Variants in PIK3C2G observed in about 807,000 individuals in gnomAD.
PIK3C2G encodes the protein phosphatidylinositol-4-phosphate 3-kinase catalytic subunit type 2 gamma.
Under a neutral mutation model 181.1 loss-of-function variants are expected in PIK3C2G, and 168 were observed. That is an observed-to-expected ratio of 0.93 (90% confidence interval 0.82 to 1.05). PIK3C2G has a LOEUF of 1.05. Among genes scored for constraint, PIK3C2G ranks in the 50% least tolerant of loss-of-function variants. PIK3C2G has a pLI of 0.00. For synonymous variants in PIK3C2G, 573 were observed against 592.2 expected (o/e 0.97, Z 0.47); for missense variants, 1,869 against 1,732.8 (o/e 1.08, Z -1.40).
chr12:18,565,444 A>G (rs981156607), intron 28 of PIK3C2G, among the ~76,000 whole-genome samples: 6 of 152,188 alleles, frequency 3.9e-5, no homozygotes, highest in Non-Finnish European at 7.3e-5. Context: ...TTATTTTGGT[A>G]CACTGATCAG....
chr12:18,576,266 T>A (rs1044954418), intron 29 of PIK3C2G, among the ~76,000 whole-genome samples: 5 of 152,176 alleles, frequency 3.3e-5, no homozygotes, highest in African/African-American at 1.2e-4. Flanking sequence ...TAGAGAATGA[T>A]CGTGGGAATC....
the PIK3C2G span, among the ~76,000 whole-genome samples, chr12:18,677,339 G>A: frequency 3.9e-5 from 6 of 152,104 alleles, no homozygotes; most frequent in Non-Finnish European, 5.9e-5. Flanking sequence ...AATCAGCACC[G>A]TGCAATCAAA....
intron 14 of PIK3C2G, among the ~76,000 whole-genome samples, chr12:18,386,815 A>T (rs928462705): frequency 6.6e-6 from 1 of 152,082 alleles, no homozygotes; most frequent in Non-Finnish European, 1.5e-5. Context: ...ATATGTTTTC[A>T]TCTTTCTTGA....
At chr12:18,671,648 T>TA in the PIK3C2G span, among the ~76,000 whole-genome samples, 58 of 151,516 alleles carry the variant, frequency 3.8e-4, no homozygotes, top group East Asian at 7.9e-3. Flanking sequence ...ATATTGGATA[T>TA]AAAAAAAAAT....
At chr12:18,427,377 G>A (rs1025701048) in intron 18 of PIK3C2G, among the ~76,000 whole-genome samples, 1 of 150,768 alleles carries the variant, frequency 6.6e-6, no homozygotes, top group African/African-American at 2.4e-5. Context: ...CCTGGTGGCG[G>A]GCGCCTGTAA....
intron 26 of PIK3C2G, among the ~76,000 whole-genome samples, chr12:18,559,821 T>TATATATATATATATAGAGAGAGAG (rs1945244509): frequency 5.4e-5 from 1 of 18,362 alleles, no homozygotes; most frequent in African/African-American, 2.0e-4. Flanking sequence ...TATATATATA[T>TATATATATATATATAGAGAGAGAG]AGAGAGAGAG....
intron 18 of PIK3C2G, among the ~76,000 whole-genome samples, chr12:18,431,960 T>C (rs556261622): frequency 3.3e-5 from 5 of 152,302 alleles, no homozygotes; most frequent in East Asian, 1.9e-4. Context: ...AAGAGGCAGA[T>C]AGTGGTAACA....
At chr12:18,314,133 G>T in intron 6 of PIK3C2G, 69 bp downstream of exon 6, 2 of 737,436 alleles carry the variant, frequency 2.7e-6, no homozygotes, top group South Asian at 3.5e-5. Context: ...TCTAATTTTT[G>T]AACTATTGCC....
chr12:18,337,056 T>C (rs1938602692), intron 8 of PIK3C2G, among the ~76,000 whole-genome samples: 1 of 152,140 alleles, frequency 6.6e-6, no homozygotes, highest in Non-Finnish European at 1.5e-5. Flanking sequence ...CATCTCTTCT[T>C]GAAATAAACT....
At chr12:18,277,798 G>A (rs891195771) in intron 1 of PIK3C2G, among the ~76,000 whole-genome samples, 21 of 152,096 alleles carry the variant, frequency 1.4e-4, no homozygotes, top group Non-Finnish European at 2.9e-4. Context: ...GCTGGCAGGG[G>A]CTGTCCTTTT....
chr12:18,584,160 T>G lies in PIK3C2G; in HGVS notation c.4012-10334T>G, dbSNP rs866201719. Among the ~76,000 whole-genome samples, 16 of 151,472 alleles carry G rather than the reference T, an allele frequency of 1.1e-4. No homozygotes were observed. In the South Asian group the frequency reaches 3.3e-3, roughly 32 times the overall value. On this transcript the variant is annotated intron_variant, in intron 29 of 32. Coordinates refer to ENST00000538779, the MANE Select transcript of PIK3C2G (RefSeq NM_001288772.2). ...CTCCTGCCCCAGCCTCCTGAGTAGC[T>G]GGGACTACAGGCACCCGCCACTGTG... is the stretch of plus-strand genomic sequence containing the variant.
intron 8 of PIK3C2G, among the ~76,000 whole-genome samples, chr12:18,337,129 C>T (rs923563237): frequency 6.6e-6 from 1 of 151,928 alleles, no homozygotes; most frequent in Non-Finnish European, 1.5e-5. Context: ...TTTGAAAAAC[C>T]ACAATTGTTA....
At chr12:18,563,770 T>C (rs1945470424) in intron 28 of PIK3C2G, among the ~76,000 whole-genome samples, 1 of 152,180 alleles carries the variant, frequency 6.6e-6, no homozygotes, top group Non-Finnish European at 1.5e-5. Flanking sequence ...TCTTCGATTA[T>C]TGGGAAAATA....
At chr12:18,685,846 G>GCA in the PIK3C2G span, among the ~76,000 whole-genome samples, 53 of 109,290 alleles carry the variant, frequency 4.8e-4, no homozygotes, top group African/African-American at 1.4e-3. Flanking sequence ...ACACACACGC[G>GCA]CACACACACA....
intron 24 of PIK3C2G, among the ~76,000 whole-genome samples, chr12:18,527,303 T>C (rs1003412242): frequency 6.6e-6 from 1 of 152,188 alleles, no homozygotes; most frequent in African/African-American, 2.4e-5. Context: ...GTATAAGAAC[T>C]TTATGTAGTA....
chr12:18,472,110 T>C (rs1938518036), intron 18 of PIK3C2G, among the ~76,000 whole-genome samples: 1 of 152,156 alleles, frequency 6.6e-6, no homozygotes, highest in African/African-American at 2.4e-5. Flanking sequence ...ATCTTCAAAT[T>C]TGAAAGGACT....
chr12:18,558,527 T>C (rs1425916601), intron 26 of PIK3C2G, among the ~76,000 whole-genome samples: 1 of 152,238 alleles, frequency 6.6e-6, no homozygotes, highest in African/African-American at 2.4e-5. Context: ...AAAGTTCTTA[T>C]GCAATTGTGC....
chr12:18,697,729 C>G, the PIK3C2G span, among the ~76,000 whole-genome samples: 1 of 152,134 alleles, frequency 6.6e-6, no homozygotes, highest in African/African-American at 2.4e-5. Context: ...TGTTCCCTTT[C>G]ACAAACCGTT....
At chr12:18,551,076 T>C (rs906964136) in intron 26 of PIK3C2G, among the ~76,000 whole-genome samples, 2 of 152,036 alleles carry the variant, frequency 1.3e-5, no homozygotes, top group African/African-American at 2.4e-5. Context: ...TCCTGTACAA[T>C]TAATGGTATT....
Sources: gnomAD v4.1 joint callset for allele counts (sites outside exome capture counted in the v4.1 genomes callset) on GRCh38, gnomAD v4.1.1 for gene constraint, MANE v1.5 for transcripts, NCBI Gene and HGNC (gene_info 2026-07-23, HGNC 2026-07-21) for gene names.